The following SHISA9 variants were observed in gnomAD, a reference collection of about 807,000 sequenced individuals.
The protein encoded by SHISA9 is shisa family member 9.
In SHISA9, 13 loss-of-function variants were observed where a neutral mutation model predicts 38.0. That is an observed-to-expected ratio of 0.34 (90% CI 0.22 to 0.54). SHISA9 has a LOEUF of 0.54. Among genes scored for constraint, SHISA9 ranks in the 20% least tolerant of loss-of-function variants. The pLI, the probability that SHISA9 is intolerant of heterozygous loss-of-function variation, is 0.91. For synonymous variants in SHISA9, 275 were observed against 242.0 expected, an observed-to-expected ratio of 1.14 and a Z score of -1.27; for missense variants, 538 against 575.8, an observed-to-expected ratio of 0.93 and a Z score of 0.67.
chr16:13,026,339 G>T (rs901152187), intron 2 of SHISA9, among the ~76,000 whole-genome samples: 1 of 152,196 alleles, frequency 6.6e-6, no homozygotes, highest in Non-Finnish European at 1.5e-5. Context: ...GTCCCTTTGT[G>T]ACTGATTTAT....
At chr16:13,338,305 C>T in the SHISA9 span, among the ~76,000 whole-genome samples, 35 of 152,262 alleles carry the variant, frequency 2.3e-4, no homozygotes, top group East Asian at 5.0e-3. Context: ...TTTTTGCTTA[C>T]GTCAGTTAGA....
intron 2 of SHISA9, among the ~76,000 whole-genome samples, chr16:13,170,647 A>AGTTT (rs201400283): frequency 7.2e-5 from 11 of 152,158 alleles, no homozygotes; most frequent in South Asian, 2.1e-4. Flanking sequence ...TTCAAATAAA[A>AGTTT]GTTTGTTTGT....
chr16:12,951,465 T>C (rs1237228769), intron 2 of SHISA9, among the ~76,000 whole-genome samples: 1 of 152,008 alleles, frequency 6.6e-6, no homozygotes, highest in East Asian at 1.9e-4. Context: ...CTGCCACACA[T>C]AAAATATATA....
chr16:13,409,426 A>T, the SHISA9 span, among the ~76,000 whole-genome samples: 4 of 152,236 alleles, frequency 2.6e-5, no homozygotes, highest in Non-Finnish European at 5.9e-5. Flanking sequence ...AGCCATCTGC[A>T]GACAGCAAGG....
the SHISA9 span, among the ~76,000 whole-genome samples, chr16:13,248,357 C>G: frequency 2.6e-5 from 4 of 152,266 alleles, no homozygotes; most frequent in South Asian, 4.1e-4. Context: ...TGTCTCCCTT[C>G]TCCTTCCCCC....
At position 13,238,485 on chromosome 16, in the gene SHISA9, T is replaced by G. The variant is rs999384386; in HGVS notation, c.*3076T>G. The G allele has an allele frequency of 3.3e-5, 5 of 152,222 alleles. No individual in the cohort carries two copies. The highest frequency in any genetic ancestry group is 1.2e-4 in the African/African-American group (5 of 41,444). The allele number at this position is 152,222 out of a possible 1,614,324, so 9.4% of individuals were successfully genotyped here. A position where few individuals can be genotyped will look rare whatever the true frequency, so the allele number is the denominator to read the frequency against. On this transcript the variant is annotated 3_prime_UTR_variant, in exon 5 of 5. Coordinates refer to ENST00000558583, the MANE Select transcript of SHISA9 (RefSeq NM_001145204.3). Reference sequence around the variant, plus strand: ...GTCCCACCCTTATCTCAACTCTGATTAAGAGTCTTTCTTGGCCTCTAAATC... The same window carrying G: ...GTCCCACCCTTATCTCAACTCTGATGAAGAGTCTTTCTTGGCCTCTAAATC...
At chr16:13,560,367 G>A in the SHISA9 span, among the ~76,000 whole-genome samples, 1 of 152,288 alleles carries the variant, frequency 6.6e-6, no homozygotes, top group East Asian at 1.9e-4. Context: ...CTGCTGATTG[G>A]CTGAGCAGGA....
At chr16:13,163,176 T>A (rs1209207024) in intron 2 of SHISA9, among the ~76,000 whole-genome samples, 1 of 152,106 alleles carries the variant, frequency 6.6e-6, no homozygotes, top group Non-Finnish European at 1.5e-5. Flanking sequence ...AGCATTTAGG[T>A]TTACACTAAA....
At chr16:13,446,200 C>T in the SHISA9 span, among the ~76,000 whole-genome samples, 1 of 152,140 alleles carries the variant, frequency 6.6e-6, no homozygotes, top group Non-Finnish European at 1.5e-5. Flanking sequence ...CAGCCTCAGC[C>T]TCCCAAAGTG....
At chr16:13,180,123 G>A (rs77407005) in intron 2 of SHISA9, among the ~76,000 whole-genome samples, 1 of 152,336 alleles carries the variant, frequency 6.6e-6, no homozygotes, top group African/African-American at 2.4e-5. Flanking sequence ...CATTTACAAT[G>A]TACGTGGAAC....
At chr16:13,508,769 C>T in the SHISA9 span, among the ~76,000 whole-genome samples, 4 of 152,184 alleles carry the variant, frequency 2.6e-5, no homozygotes, top group Non-Finnish European at 4.4e-5. Context: ...AGCTAAGAAA[C>T]TTTCATGAGG....
chr16:13,360,339 G>A, the SHISA9 span, among the ~76,000 whole-genome samples: 2 of 152,098 alleles, frequency 1.3e-5, no homozygotes, highest in Non-Finnish European at 2.9e-5. Flanking sequence ...ATATGGTTTG[G>A]CTATGTCACC....
At chr16:13,341,702 C>T in the SHISA9 span, among the ~76,000 whole-genome samples, 356 of 152,288 alleles carry the variant, frequency 2.3e-3, 2 homozygotes, top group Non-Finnish European at 4.0e-3. Flanking sequence ...ATTTTAAACA[C>T]GCTTTCCTCC....
At chr16:13,065,719 G>A (rs913432098) in intron 2 of SHISA9, among the ~76,000 whole-genome samples, 5 of 152,208 alleles carry the variant, frequency 3.3e-5, no homozygotes, top group Admixed American at 1.3e-4. Flanking sequence ...AAAAGTTTCC[G>A]AACCAAGGTG....
chr16:12,995,677 C>T lies in SHISA9; in HGVS notation c.691+78862C>T, dbSNP rs190892407. Among the ~76,000 whole-genome samples the T allele has an allele frequency of 2.0e-3, 298 of 152,190 alleles. 4 individuals are homozygous for T. The highest frequency in any genetic ancestry group is 8.5e-3 in the South Asian group (41 of 4,820). On this transcript the variant is annotated intron_variant, in intron 2 of 4. Coordinates refer to ENST00000558583, the MANE Select transcript of SHISA9 (RefSeq NM_001145204.3). ...CCTCAGAGGAATTCTCAAAGTAATC[C>T]TACAACAGAAAGATTTTAAGACAAT...
chr16:12,997,170 G>A (rs2072467499), intron 2 of SHISA9, among the ~76,000 whole-genome samples: 1 of 151,786 alleles, frequency 6.6e-6, no homozygotes, highest in African/African-American at 2.4e-5. Flanking sequence ...CCACTGTTTT[G>A]ATTTCTTTCA....
At chr16:13,053,381 G>C (rs2073274809) in intron 2 of SHISA9, among the ~76,000 whole-genome samples, 1 of 152,124 alleles carries the variant, frequency 6.6e-6, no homozygotes, top group South Asian at 2.1e-4. Context: ...CATGGTCCAA[G>C]TCTCCATCAT....
At chr16:13,331,859 G>A in the SHISA9 span, 1 of 152,178 alleles carries the variant, frequency 6.6e-6, no homozygotes, top group Non-Finnish European at 1.5e-5. Flanking sequence ...TGGGATGATT[G>A]CATGGTATGT....
At chr16:13,542,838 G>A in the SHISA9 span, among the ~76,000 whole-genome samples, 3 of 152,276 alleles carry the variant, frequency 2.0e-5, no homozygotes, top group Admixed American at 6.5e-5. Flanking sequence ...TGGGGCTCGA[G>A]CAGCATCAAC....
Sources: allele counts gnomAD v4.1 joint callset (sites outside exome capture counted in the v4.1 genomes callset), GRCh38; gene constraint gnomAD v4.1.1; transcripts MANE v1.5; gene names NCBI Gene and HGNC (gene_info 2026-07-23, HGNC 2026-07-21).